The following KLHL29 variants were observed in gnomAD, a reference collection of about 807,000 sequenced individuals.
KLHL29 encodes the protein kelch like family member 29, also known as kelch-like protein 29.
In KLHL29, 21 loss-of-function variants were observed where a neutral mutation model predicts 80.4. The ratio of observed to expected loss-of-function variants is 0.26; its 90% CI spans 0.19 to 0.38. The LOEUF is 0.38. Among genes scored for constraint, KLHL29 ranks in the 10% least tolerant of loss-of-function variants. The probability of loss-of-function intolerance (pLI) is 1.00; values close to 1 mark genes in which losing one functional copy is unlikely to be tolerated. For synonymous variants in KLHL29, 511 were observed against 526.8 expected, an observed-to-expected ratio of 0.97 and a Z score of 0.41; for missense variants, 867 against 1,223.9, an observed-to-expected ratio of 0.71 and a Z score of 4.35.
At chr2:23,436,455 C>T (rs371566054) in intron 1 of KLHL29, among the ~76,000 whole-genome samples, 10 of 151,988 alleles carry the variant, frequency 6.6e-5, no homozygotes, top group Admixed American at 6.5e-5. Context: ...CCACAGACAC[C>T]GCCTGGAAGC....
chr2:23,504,084 C>G (rs1435259347), intron 2 of KLHL29, among the ~76,000 whole-genome samples: 1 of 152,126 alleles, frequency 6.6e-6, no homozygotes, highest in South Asian at 2.1e-4. Flanking sequence ...AGTGACAGCT[C>G]AGGCCAGTAA....
At chr2:23,597,248 C>T (rs1342227890) in intron 3 of KLHL29, among the ~76,000 whole-genome samples, 6 of 145,618 alleles carry the variant, frequency 4.1e-5, no homozygotes, top group Non-Finnish European at 6.0e-5. Flanking sequence ...TGCAAACTTG[C>T]TACGTGTCTG....
intron 2 of KLHL29, among the ~76,000 whole-genome samples, chr2:23,513,655 T>C (rs1472428157): frequency 2.6e-5 from 4 of 152,174 alleles, no homozygotes; most frequent in Non-Finnish European, 5.9e-5. Context: ...GATTGTCAGC[T>C]GGTTACGAGT....
chr2:23,591,104 A>G (rs1668248360), intron 3 of KLHL29, among the ~76,000 whole-genome samples: 1 of 152,176 alleles, frequency 6.6e-6, no homozygotes, highest in Non-Finnish European at 1.5e-5. Context: ...TGCGACTTTA[A>G]ACAGCACACT....
intron 3 of KLHL29, among the ~76,000 whole-genome samples, chr2:23,600,354 C>G (rs1421182874): frequency 6.6e-6 from 1 of 152,124 alleles, no homozygotes; most frequent in Non-Finnish European, 1.5e-5. Flanking sequence ...TCCAGGATGG[C>G]CCACATTGAA....
chr2:23,417,406 A>T lies in KLHL29; in HGVS notation c.-154+31626A>T, dbSNP rs116405231. On this transcript the variant is annotated intron_variant, in intron 1 of 13. Coordinates refer to ENST00000486442, the MANE Select transcript of KLHL29 (RefSeq NM_052920.2). ...GAATCATCTGCCTGCAAGCGTTTAC[A>T]CTCAGGTGAGCACAATTCACATACT... Among the ~76,000 whole-genome samples, 320 of 152,236 alleles carry T rather than the reference A, an allele frequency of 2.1e-3. 2 individuals are homozygous for T. The highest frequency in any genetic ancestry group is 7.3e-3 in the African/African-American group (304 of 41,538).
At chr2:23,655,379 T>C (rs1572470324) in intron 5 of KLHL29, among the ~76,000 whole-genome samples, 1 of 152,366 alleles carries the variant, frequency 6.6e-6, no homozygotes, top group African/African-American at 2.4e-5. Flanking sequence ...TTATGCCCTT[T>C]AAAATGAATT....
chr2:23,637,037 A>G (rs1017620810), intron 3 of KLHL29, among the ~76,000 whole-genome samples: 6 of 152,006 alleles, frequency 3.9e-5, no homozygotes, highest in Non-Finnish European at 8.8e-5. Flanking sequence ...CACCTCTAGG[A>G]TCCCACACGG....
chr2:23,603,991 C>T (rs1009394677), intron 3 of KLHL29, among the ~76,000 whole-genome samples: 2 of 152,174 alleles, frequency 1.3e-5, no homozygotes, highest in African/African-American at 2.4e-5. Context: ...TGAGCTCAGG[C>T]CTGGGTACTG....
intron 1 of KLHL29, among the ~76,000 whole-genome samples, chr2:23,424,437 C>T (rs1172521021): frequency 6.6e-6 from 1 of 152,154 alleles, no homozygotes; most frequent in Admixed American, 6.5e-5. Context: ...TATTTGTCAT[C>T]TATGCTTTCA....
At position 23,613,720 on chromosome 2, in the gene KLHL29, C is replaced by T. The variant is rs189299352; in HGVS notation, c.286-25419C>T. On this transcript the variant is annotated intron_variant, in intron 3 of 13. Transcript: ENST00000486442. The stretch of plus-strand genomic sequence containing the variant: ...TGGAGGTTGCAGTGAGCCGAGATCG[C>T]GCCATTGCACTCCAGCCTGGGCGGC... Among the ~76,000 whole-genome samples the T allele has an allele frequency of 3.6e-3, 511 of 143,344 alleles. 3 individuals are homozygous for T. Among genetic ancestry groups the T allele is most frequent in the African/African-American group, 0.013 (482 of 38,034 alleles). The allele number at this position is 143,344 out of a possible 152,430, so 94.0% of individuals were successfully genotyped here.
chr2:23,635,551 C>G (rs960441712), intron 3 of KLHL29, among the ~76,000 whole-genome samples: 1 of 152,216 alleles, frequency 6.6e-6, no homozygotes, highest in African/African-American at 2.4e-5. Context: ...GTTCTTCAGT[C>G]GCTGAAAGAA....
rs147303467 is a variant in KLHL29, at chr2:23,615,151, T to A, written c.286-23988T>A. Among the ~76,000 whole-genome samples the A allele has an allele frequency of 1.6e-3, 238 of 152,250 alleles. 2 individuals carry two copies. The highest frequency in any genetic ancestry group is 0.012 in the Admixed American group (182 of 15,298). ...GTGCCTGGGGAGCACGCACTGTGGG[T>A]CTGCGATGAGCCAGGCCTTCTCCTG... is the stretch of plus-strand genomic sequence containing the variant. On this transcript the variant is annotated intron_variant, in intron 3 of 13. Transcript: ENST00000486442.
chr2:23,570,553 C>G (rs899693416), intron 3 of KLHL29, among the ~76,000 whole-genome samples: 1 of 152,236 alleles, frequency 6.6e-6, no homozygotes, highest in Admixed American at 6.5e-5. Context: ...GAGGGCCACA[C>G]AGTTTCCCCT....
intron 3 of KLHL29, among the ~76,000 whole-genome samples, chr2:23,634,805 C>T (rs186215789): frequency 8.5e-4 from 129 of 152,356 alleles, no homozygotes; most frequent in Non-Finnish European, 1.6e-3. Flanking sequence ...TGCTGTTTCA[C>T]TGCTCTGCTC....
intron 3 of KLHL29, among the ~76,000 whole-genome samples, chr2:23,571,570 C>T (rs549391540): frequency 6.6e-6 from 1 of 152,298 alleles, no homozygotes; most frequent in East Asian, 1.9e-4. Context: ...TCATGTGAGG[C>T]AGTTCTGGAA....
At chr2:23,400,924 A>C (rs1443270272) in intron 1 of KLHL29, among the ~76,000 whole-genome samples, 1 of 152,246 alleles carries the variant, frequency 6.6e-6, no homozygotes, top group African/African-American at 2.4e-5. Flanking sequence ...ATGCAATCAT[A>C]GGCAAGTTAA....
In KLHL29 at chr2:23,552,761, C is replaced by CTTTTTTTTTTTTTTTTTTTTTTTT. The variant is rs60558023; in HGVS notation, c.-45-9374_-45-9373insTTTTTTTTTTTTTTTTTTTTTTTT. 1.6e-4 allele frequency among the ~76,000 whole-genome samples: 15 copies of CTTTTTTTTTTTTTTTTTTTTTTTT among 95,542 alleles called. 3 individuals are homozygous for CTTTTTTTTTTTTTTTTTTTTTTTT. Among genetic ancestry groups the CTTTTTTTTTTTTTTTTTTTTTTTT allele is most frequent in the African/African-American group, 2.4e-4 (5 of 21,208 alleles). 62.7% of individuals were successfully genotyped at this position (95,542 alleles called of 152,430 possible). ...CACGGCTATAGCTCTGGTTTCTTTT[C>CTTTTTTTTTTTTTTTTTTTTTTTT]TTTTTTTTTTTTTTTTTGAGATGGC... On this transcript the variant is annotated intron_variant, in intron 2 of 13. Coordinates refer to ENST00000486442, the MANE Select transcript of KLHL29 (RefSeq NM_052920.2).
At chr2:23,401,085 A>T (rs1319255363) in intron 1 of KLHL29, among the ~76,000 whole-genome samples, 1 of 152,158 alleles carries the variant, frequency 6.6e-6, no homozygotes, top group East Asian at 1.9e-4. Context: ...GTTTCACCTG[A>T]GGTCAGTTTC....
Sources: gnomAD v4.1 joint callset for allele counts (sites outside exome capture counted in the v4.1 genomes callset) on GRCh38, gnomAD v4.1.1 for gene constraint, MANE v1.5 for transcripts, NCBI Gene and HGNC (gene_info 2026-07-23, HGNC 2026-07-21) for gene names.